MEIS2: variants seen among roughly 807,000 people sequenced by gnomAD.
MEIS2 encodes the protein Meis homeobox 2.
In MEIS2, 9 loss-of-function variants were observed where a neutral mutation model predicts 58.6. The observed-to-expected ratio is 0.15, with a 90% CI of 0.09 to 0.27. MEIS2 has a LOEUF of 0.27. Among genes scored for constraint, MEIS2 ranks in the 10% least tolerant of loss-of-function variants. The pLI, the probability that MEIS2 is intolerant of heterozygous loss-of-function variation, is 1.00. For missense variants in MEIS2, 427 were observed against 635.0 expected (o/e 0.67, Z 3.52); for synonymous variants, 221 against 228.4 (o/e 0.97, Z 0.29).
intron 8 of MEIS2, among the ~76,000 whole-genome samples, chr15:36,998,809 T>C (rs2060621882): frequency 6.6e-6 from 1 of 152,184 alleles, no homozygotes; most frequent in African/African-American, 2.4e-5. Context: ...AAGAGCCCTG[T>C]GAGGTAGAGA....
At position 36,892,544 on chromosome 15, in the gene MEIS2, A is replaced by G. The variant is rs557263558; in HGVS notation, c.1148-85T>C. On this transcript the variant is annotated intron_variant, in intron 11 of 11. Coordinates refer to ENST00000561208, the MANE Select transcript of MEIS2 (RefSeq NM_170675.5). ...CCATCAAAGATGAAAAGAAAAAAAAAAAAAAAACAACAGACACTGCAAATC... is the reference window on the plus strand; with the variant it reads ...CCATCAAAGATGAAAAGAAAAAAAAGAAAAAAACAACAGACACTGCAAATC... 8.8e-6 allele frequency: 11 copies of G among 1,244,000 alleles called. No individual in the cohort carries two copies. The African/African-American group carries it at 1.5e-4, about 17-fold the overall frequency. 77.1% of individuals were successfully genotyped at this position (1,244,000 alleles called of 1,614,324 possible).
intron 8 of MEIS2, among the ~76,000 whole-genome samples, chr15:36,966,770 A>G (rs575023431): frequency 6.6e-6 from 1 of 152,318 alleles, no homozygotes; most frequent in South Asian, 2.1e-4. Flanking sequence ...GAAGACAAAC[A>G]AGGCACTATA....
chr15:37,067,135 G>T (rs528483073), intron 7 of MEIS2, among the ~76,000 whole-genome samples: 3 of 149,882 alleles, frequency 2.0e-5, no homozygotes, highest in Non-Finnish European at 3.0e-5. Context: ...TGTCACCCAG[G>T]CTGGAGTGCA....
chr15:36,989,151 T>C (rs1006093095), intron 8 of MEIS2, among the ~76,000 whole-genome samples: 10 of 152,174 alleles, frequency 6.6e-5, no homozygotes, highest in Admixed American at 6.5e-4. Context: ...TCATTAACCA[T>C]CAGAAAACAT....
At chr15:37,042,122 G>A (rs919937533) in intron 7 of MEIS2, among the ~76,000 whole-genome samples, 6 of 152,122 alleles carry the variant, frequency 3.9e-5, no homozygotes, top group African/African-American at 9.7e-5. Context: ...CTGCACTCTC[G>A]CCTGGGCAGC....
intron 8 of MEIS2, among the ~76,000 whole-genome samples, chr15:36,957,419 G>T (rs139050016): frequency 1.3e-5 from 2 of 152,094 alleles, no homozygotes; most frequent in African/African-American, 4.8e-5. Context: ...TCCCTTACCC[G>T]GCTGCTGAAG....
intron 8 of MEIS2, among the ~76,000 whole-genome samples, chr15:36,982,227 A>G (rs542151744): frequency 7.9e-5 from 12 of 152,222 alleles, no homozygotes; most frequent in Non-Finnish European, 1.6e-4. Flanking sequence ...TTTCAAGTGT[A>G]CAATACAGGA....
At chr15:36,986,224 G>A (rs2060088665) in intron 8 of MEIS2, among the ~76,000 whole-genome samples, 1 of 152,108 alleles carries the variant, frequency 6.6e-6, no homozygotes, top group African/African-American at 2.4e-5. Context: ...ACATAATCTT[G>A]CCTTCTGTAT....
rs1596128819 is a variant in MEIS2 at position 37,094,690 on chromosome 15, C to T, written c.439-113G>A. 5 of 763,036 alleles carry T rather than the reference C, an allele frequency of 6.6e-6. No individual in the cohort carries two copies. In the East Asian group the frequency reaches 7.8e-5, roughly 12 times the overall value. 47.3% of individuals were successfully genotyped at this position (763,036 alleles called of 1,614,324 possible). ...AGAAAGTTGGGCTGGGGAGAAGAAACGGGCAGGTGGCCAGGAAAAACTTAA... is the reference window on the plus strand; with the variant it reads ...AGAAAGTTGGGCTGGGGAGAAGAAATGGGCAGGTGGCCAGGAAAAACTTAA... On this transcript the variant is annotated intron_variant, in intron 4 of 11. Coordinates refer to ENST00000561208, the MANE Select transcript of MEIS2 (RefSeq NM_170675.5).
intron 7 of MEIS2, chr15:37,066,510 TG>T (rs1225942429): frequency 6.6e-6 from 1 of 152,198 alleles, no homozygotes; most frequent in Non-Finnish European, 1.5e-5. Flanking sequence ...CCACTTCATC[TG>T]GAAAATGGGG....
intron 10 of MEIS2, among the ~76,000 whole-genome samples, chr15:36,896,221 G>T (rs1464983571): frequency 6.6e-6 from 1 of 152,164 alleles, no homozygotes; most frequent in East Asian, 1.9e-4. Context: ...CAAAGCAAAT[G>T]AATGGATACA....
chr15:36,974,193 T>C (rs1383833978), intron 8 of MEIS2, among the ~76,000 whole-genome samples: 1 of 152,230 alleles, frequency 6.6e-6, no homozygotes, highest in African/African-American at 2.4e-5. Flanking sequence ...AGGGCTGATA[T>C]TGAATCTATA....
At chr15:37,043,956 G>T (rs2062554051) in intron 7 of MEIS2, among the ~76,000 whole-genome samples, 1 of 152,088 alleles carries the variant, frequency 6.6e-6, no homozygotes, top group South Asian at 2.1e-4. Context: ...AAAGTGCTGT[G>T]ATTACAGGCG....
intron 9 of MEIS2, among the ~76,000 whole-genome samples, chr15:36,899,608 A>G (rs1427637026): frequency 1.3e-5 from 2 of 152,192 alleles, no homozygotes; most frequent in Non-Finnish European, 2.9e-5. Context: ...AGTAGTAAAT[A>G]GAATATCAAG....
intron 9 of MEIS2, among the ~76,000 whole-genome samples, chr15:36,926,820 G>A (rs2057767701): frequency 6.6e-6 from 1 of 152,134 alleles, no homozygotes; most frequent in Admixed American, 6.5e-5. Context: ...TTGCATGCGT[G>A]CACACACTCC....
chr15:36,935,676 C>A (rs2058140852), intron 9 of MEIS2, among the ~76,000 whole-genome samples: 1 of 151,966 alleles, frequency 6.6e-6, no homozygotes, highest in Non-Finnish European at 1.5e-5. Flanking sequence ...AATGAAAAAA[C>A]TTTGGAGGCA....
At chr15:36,896,528 G>T in intron 10 of MEIS2, 100 bp downstream of exon 10, 2 of 910,696 alleles carry the variant, frequency 2.2e-6, no homozygotes, top group Non-Finnish European at 1.6e-6. Context: ...CAGAATGCCT[G>T]GTGGAAGCAC....
chr15:37,062,791 T>C (rs1457585719), intron 7 of MEIS2, among the ~76,000 whole-genome samples: 2 of 152,254 alleles, frequency 1.3e-5, no homozygotes, highest in Non-Finnish European at 2.9e-5. Context: ...TTTTGGAATG[T>C]ATTTTTAAAA....
chr15:36,961,580 G>C (rs1427638044), intron 8 of MEIS2, among the ~76,000 whole-genome samples: 1 of 152,092 alleles, frequency 6.6e-6, no homozygotes, highest in Non-Finnish European at 1.5e-5. Context: ...GCTACATGCT[G>C]ATAATATGTT....
Sources: gnomAD v4.1 joint callset for allele counts (sites outside exome capture counted in the v4.1 genomes callset) on GRCh38, gnomAD v4.1.1 for gene constraint, MANE v1.5 for transcripts, NCBI Gene and HGNC (gene_info 2026-07-23, HGNC 2026-07-21) for gene names.